The following NPAS3 variants were observed in gnomAD, a reference collection of about 807,000 sequenced individuals.
NPAS3 encodes neuronal PAS domain protein 3.
Under a neutral mutation model 73.1 loss-of-function variants are expected in NPAS3, and 14 were observed. The ratio of observed to expected loss-of-function variants is 0.19; its 90% CI spans 0.13 to 0.30. NPAS3 has a LOEUF of 0.30. Among genes scored for constraint, NPAS3 ranks in the 10% least tolerant of loss-of-function variants. The pLI, the probability that NPAS3 is intolerant of heterozygous loss-of-function variation, is 1.00. For missense variants in NPAS3, 1,096 were observed against 1,250.0 expected (o/e 0.88, Z 1.86); for synonymous variants, 620 against 541.5 (o/e 1.14, Z -2.01).
intron 4 of NPAS3, among the ~76,000 whole-genome samples, chr14:33,532,591 C>T (rs2054093901): frequency 1.3e-5 from 2 of 152,084 alleles, no homozygotes; most frequent in South Asian, 2.1e-4. Flanking sequence ...GAACCCAGAC[C>T]TCCCTGACTC....
chr14:33,705,632 G>A (rs890352926), intron 6 of NPAS3, among the ~76,000 whole-genome samples: 2 of 152,216 alleles, frequency 1.3e-5, no homozygotes, highest in African/African-American at 4.8e-5. Context: ...TTGGAAGTTC[G>A]TGTGGAATGT....
chr14:33,462,129 G>T (rs768610735), intron 4 of NPAS3, among the ~76,000 whole-genome samples: 1 of 152,176 alleles, frequency 6.6e-6, no homozygotes, highest in Non-Finnish European at 1.5e-5. Context: ...TCCACAAGAG[G>T]ATGTGTTGTT....
intron 4 of NPAS3, among the ~76,000 whole-genome samples, chr14:33,371,181 A>G (rs1366305459): frequency 6.6e-6 from 1 of 152,192 alleles, no homozygotes; most frequent in Non-Finnish European, 1.5e-5. Flanking sequence ...AAGGAATAGT[A>G]ATAATGTCAA....
intron 5 of NPAS3, among the ~76,000 whole-genome samples, chr14:33,635,930 T>C (rs150249550): frequency 6.6e-6 from 1 of 152,200 alleles, no homozygotes; most frequent in Admixed American, 6.5e-5. Flanking sequence ...TGTCATGGAC[T>C]GTAAACACGA....
chr14:33,534,319 C>T (rs1357347473), intron 4 of NPAS3, among the ~76,000 whole-genome samples: 2 of 151,724 alleles, frequency 1.3e-5, no homozygotes, highest in African/African-American at 4.8e-5. Flanking sequence ...AAGTGGTTAA[C>T]ACTAACTCCA....
At chr14:33,769,874 C>A (rs1275227981) in intron 7 of NPAS3, among the ~76,000 whole-genome samples, 1 of 143,210 alleles carries the variant, frequency 7.0e-6, no homozygotes. Context: ...AAGCAATCCT[C>A]AAACCTCAGC....
At chr14:33,045,292 C>A (rs996034625) in intron 1 of NPAS3, among the ~76,000 whole-genome samples, 2 of 152,162 alleles carry the variant, frequency 1.3e-5, no homozygotes, top group African/African-American at 4.8e-5. Context: ...TATTTTCCAT[C>A]TGTATCTTTA....
intron 6 of NPAS3, among the ~76,000 whole-genome samples, chr14:33,732,565 CAT>C (rs2061426912): frequency 6.6e-6 from 1 of 152,178 alleles, no homozygotes; most frequent in Admixed American, 6.5e-5. Flanking sequence ...AGTAGGAAGT[CAT>C]ATGGAATTTC....
Position 33,498,933 on chromosome 14 carries a change from AGAGTGTGT to A in NPAS3, c.469-61186_469-61179del, listed in dbSNP as rs1437759557. On this transcript the variant is annotated intron_variant, in intron 4 of 11. Coordinates refer to ENST00000356141, the Ensembl canonical transcript of NPAS3. ...ATGAATGAGAGAGAGAGACAGAGAG[AGAGTGTGT>A]GTGTGTGTGTGTGTGTGTGTGTGTG... is the stretch of plus-strand genomic sequence containing the variant. Among the ~76,000 whole-genome samples, 677 of 76,838 alleles carry A rather than the reference AGAGTGTGT, an allele frequency of 8.8e-3. 5 individuals are homozygous for A. The highest frequency in any genetic ancestry group is 0.035 in the African/African-American group (633 of 18,056). The allele number at this position is 76,838 out of a possible 152,430, so 50.4% of individuals were successfully genotyped here. A position where few individuals can be genotyped will look rare whatever the true frequency, so the allele number is the denominator to read the frequency against.
intron 4 of NPAS3, among the ~76,000 whole-genome samples, chr14:33,458,869 G>A (rs534812550): frequency 2.6e-5 from 4 of 152,282 alleles, no homozygotes; most frequent in South Asian, 2.1e-4. Context: ...CCAAGAGAGG[G>A]TTCTTGGATC....
At chr14:33,153,955 T>C (rs1255860905) in intron 2 of NPAS3, among the ~76,000 whole-genome samples, 1 of 152,238 alleles carries the variant, frequency 6.6e-6, no homozygotes, top group African/African-American at 2.4e-5. Context: ...TACGGGTTTA[T>C]GTCTTACATG....
At chr14:32,999,316 C>T (rs1050868892) in intron 1 of NPAS3, among the ~76,000 whole-genome samples, 2 of 152,094 alleles carry the variant, frequency 1.3e-5, no homozygotes, top group African/African-American at 4.8e-5. Context: ...TTGAGACCAT[C>T]CTGGCTAACA....
rs552016215 is a variant in NPAS3, at chr14:33,139,024, G to A, written c.141-76158G>A. Among the ~76,000 whole-genome samples, 22 of 152,286 alleles carry A rather than the reference G, an allele frequency of 1.4e-4. No individual in the cohort carries two copies. The South Asian group carries it at 4.1e-3, about 29-fold the overall frequency. On this transcript the variant is annotated intron_variant, in intron 2 of 11. Transcript: ENST00000356141. ...CTATAGCTGGCAAAAGTTTCTTCATGATAGAGATTTTCTCTTCTCTTGACT... is the reference window on the plus strand; with the variant it reads ...CTATAGCTGGCAAAAGTTTCTTCATAATAGAGATTTTCTCTTCTCTTGACT...
rs537779369 is a variant in NPAS3 at position 33,392,541 on chromosome 14, G to A, written c.468+25273G>A. 1.1e-4 allele frequency among the ~76,000 whole-genome samples: 16 copies of A among 152,206 alleles called. No homozygotes were observed. In the East Asian group the frequency reaches 1.4e-3, roughly 13 times the overall value. Reference sequence around the variant, plus strand: ...CTTAAGAAGAAAAGTACTGACGCTCGGAGTTCAAGTAGGAATTTATCAACA... The same window carrying A: ...CTTAAGAAGAAAAGTACTGACGCTCAGAGTTCAAGTAGGAATTTATCAACA... On this transcript the variant is annotated intron_variant, in intron 4 of 11. Coordinates refer to ENST00000356141, the Ensembl canonical transcript of NPAS3.
At chr14:32,943,481 T>C (rs1340183073) in intron 1 of NPAS3, among the ~76,000 whole-genome samples, 1 of 152,158 alleles carries the variant, frequency 6.6e-6, no homozygotes, top group Admixed American at 6.6e-5. Flanking sequence ...CTTACTCCTC[T>C]TCCCTGCCCC....
intron 1 of NPAS3, among the ~76,000 whole-genome samples, chr14:32,988,298 A>C (rs1162580153): frequency 1.3e-5 from 2 of 152,188 alleles, no homozygotes; most frequent in Admixed American, 6.5e-5. Context: ...GTATGTCCAC[A>C]GCAGACTTAT....
At chr14:33,671,203 T>C (rs1264572650) in intron 5 of NPAS3, among the ~76,000 whole-genome samples, 2 of 152,164 alleles carry the variant, frequency 1.3e-5, no homozygotes, top group Non-Finnish European at 2.9e-5. Context: ...TGAGTTGCAC[T>C]GTTAGTACAT....
At chr14:33,517,615 T>G (rs1403962291) in intron 4 of NPAS3, among the ~76,000 whole-genome samples, 1 of 152,058 alleles carries the variant, frequency 6.6e-6, no homozygotes, top group East Asian at 1.9e-4. Context: ...CATCATTTTA[T>G]TTAGGAAAAG....
chr14:33,008,945 A>C (rs1448894296), intron 1 of NPAS3, among the ~76,000 whole-genome samples: 1 of 152,130 alleles, frequency 6.6e-6, no homozygotes, highest in African/African-American at 2.4e-5. Context: ...GCAACATGCT[A>C]CCTTCTCAAG....
Sources: allele counts gnomAD v4.1 joint callset (sites outside exome capture counted in the v4.1 genomes callset), GRCh38; gene constraint gnomAD v4.1.1; transcripts MANE v1.5; gene names NCBI Gene and HGNC (gene_info 2026-07-23, HGNC 2026-07-21).